The following INO80 variants were observed in gnomAD, a reference collection of about 807,000 sequenced individuals.
INO80 encodes INO80 complex ATPase subunit, also known as chromatin-remodeling ATPase INO80.
INO80 carries 20 observed loss-of-function variants against 203.4 expected under a neutral mutation model. The observed-to-expected ratio is 0.10, with a 90% CI of 0.07 to 0.14. INO80 has a LOEUF of 0.14. Ranked by LOEUF, INO80 falls within the 10% of genes least tolerant of loss-of-function variation. The pLI, the probability that INO80 is intolerant of heterozygous loss-of-function variation, is 1.00. For synonymous variants in INO80, 726 were observed against 685.2 expected (o/e 1.06, Z -0.93); for missense variants, 1,419 against 1,914.4 (o/e 0.74, Z 4.83).
At chr15:41,080,647 G>T (rs1299174449) in intron 8 of INO80, among the ~76,000 whole-genome samples, 1 of 152,154 alleles carries the variant, frequency 6.6e-6, no homozygotes, top group Non-Finnish European at 1.5e-5. Context: ...CCTGAGGTCA[G>T]GAGTTCAAGA....
At chr15:41,018,541 C>T in intron 26 of INO80, 1 of 152,344 alleles carries the variant, frequency 6.6e-6, no homozygotes, top group Non-Finnish European at 1.5e-5. Context: ...CTTCTTTGTA[C>T]TGCCCTGAAG....
chr15:41,008,142 T>C (rs1481276929), intron 27 of INO80, among the ~76,000 whole-genome samples: 2 of 152,024 alleles, frequency 1.3e-5, no homozygotes, highest in Admixed American at 1.3e-4. Context: ...GCCACAGCAC[T>C]GCAGCCTGGG....
chr15:41,101,187 G>C (rs1209811163), intron 1 of INO80, among the ~76,000 whole-genome samples: 4 of 152,040 alleles, frequency 2.6e-5, no homozygotes, highest in African/African-American at 9.7e-5. Context: ...GCCTAGTCTT[G>C]ATTAGCATGT....
intron 35 of INO80, among the ~76,000 whole-genome samples, chr15:40,980,928 C>T (rs1893804613): frequency 1.3e-5 from 2 of 152,188 alleles, no homozygotes; most frequent in Non-Finnish European, 2.9e-5. Context: ...TATATTCATA[C>T]AGTTCTCCTT....
intron 1 of INO80, among the ~76,000 whole-genome samples, chr15:41,111,383 T>C (rs775296358): frequency 1.3e-5 from 2 of 151,898 alleles, no homozygotes; most frequent in Non-Finnish European, 2.9e-5. Flanking sequence ...GAGGCAGAGG[T>C]TGCAGTGAGC....
intron 29 of INO80, among the ~76,000 whole-genome samples, chr15:40,992,086 A>T (rs1421294318): frequency 6.6e-6 from 1 of 152,186 alleles, no homozygotes; most frequent in Non-Finnish European, 1.5e-5. Context: ...GAAACAGGAA[A>T]ATTTCTAGAA....
At chr15:41,079,574 C>CAA (rs57754557) in intron 9 of INO80, 127 bp downstream of exon 9, 12,546 of 631,640 alleles carry the variant, frequency 0.02, 4 homozygotes, top group Non-Finnish European at 0.023. Flanking sequence ...GCATCTCTAC[C>CAA]AAAAAAAAAA....
intron 17 of INO80, among the ~76,000 whole-genome samples, chr15:41,055,764 T>C (rs1007620754): frequency 6.6e-6 from 1 of 152,194 alleles, no homozygotes; most frequent in Non-Finnish European, 1.5e-5. Flanking sequence ...GGGCCAAGTC[T>C]GGTCTACCAC....
chr15:41,046,206 C>CATACATATATATAT (rs1268610100), intron 23 of INO80, among the ~76,000 whole-genome samples: 3 of 14,416 alleles, frequency 2.1e-4, no homozygotes, highest in African/African-American at 6.8e-4. Context: ...CGTATACATA[C>CATACATATATATAT]ATATATATAT....
At chr15:41,022,576 T>C (rs1289847889) in intron 25 of INO80, among the ~76,000 whole-genome samples, 1 of 152,170 alleles carries the variant, frequency 6.6e-6, no homozygotes, top group African/African-American at 2.4e-5. Flanking sequence ...TAGGTGCCTC[T>C]GGAGGGTACC....
At position 41,020,985 on chromosome 15, in the gene INO80, A is replaced by C. The variant is rs530463505; in HGVS notation, c.3189T>G (p.Asn1063Lys). Residue 1063 changes from asparagine to lysine, a missense_variant, in exon 26 of 36, where the codon AAT becomes AAG. Asn to Lys is a moderately conservative substitution (Grantham distance 94). Transcript: ENST00000648947. ...GCTCTGGGAAGAACTGTGATCGTCT[A>C]TTTAGCCAGTCTGCAGCCAGTTCAG... Reference protein sequence around the residue: ...GAPELAADWLNRRSQFFPEPA... With the variant: ...GAPELAADWLKRRSQFFPEPA... 6.2e-7 allele frequency: 1 copy of C among 1,614,104 alleles called. No individual in the cohort carries two copies. Among genetic ancestry groups the C allele is most frequent in the African/African-American group, 1.3e-5 (1 of 75,024 alleles).
At chr15:41,037,960 A>G (rs901098641) in intron 24 of INO80, among the ~76,000 whole-genome samples, 3 of 150,988 alleles carry the variant, frequency 2.0e-5, no homozygotes, top group African/African-American at 7.3e-5. Context: ...AAGTGTAGTT[A>G]ACCAACTTGC....
chr15:41,051,422 G>A (rs768215291), intron 19 of INO80, among the ~76,000 whole-genome samples: 2 of 151,264 alleles, frequency 1.3e-5, no homozygotes, highest in South Asian at 4.2e-4. Context: ...AGTAAGATAG[G>A]AAACGCTAAA....
chr15:41,072,066 GTAA>G lies in INO80; in HGVS notation c.1396-11_1396-9del. ...TTCATCAAATGACCTTGTCTGGAAA[GTAA>G]AAAAAAAAAAAATTAGAAAAAAAAA... is the stretch of plus-strand genomic sequence containing the variant. On this transcript the variant is annotated splice_polypyrimidine_tract_variant and intron_variant, in intron 11 of 35. Transcript: ENST00000648947. 1.1e-6 allele frequency: 1 copy of G among 887,856 alleles called. No individual in the cohort carries two copies. The highest frequency in any genetic ancestry group is 3.6e-5 in the East Asian group (1 of 27,782). 55.0% of individuals were successfully genotyped at this position (887,856 alleles called of 1,614,324 possible).
chr15:41,071,506 G>C lies in INO80; in HGVS notation c.1605+343C>G, dbSNP rs540877075. Among the ~76,000 whole-genome samples the C allele has an allele frequency of 1.7e-4, 23 of 136,100 alleles. 2 individuals are homozygous for C. The highest frequency in any genetic ancestry group is 5.5e-3 in the Middle Eastern group (1 of 182). The allele number at this position is 136,100 out of a possible 152,430, so 89.3% of individuals were successfully genotyped here. ...TTTTGCTCTTGTTGCCCAGGCTACAGTGCAATGGCGCCATCTTAGCTCACC... is the reference window on the plus strand; with the variant it reads ...TTTTGCTCTTGTTGCCCAGGCTACACTGCAATGGCGCCATCTTAGCTCACC... On this transcript the variant is annotated intron_variant, in intron 12 of 35. Transcript: ENST00000648947.
intron 14 of INO80, among the ~76,000 whole-genome samples, chr15:41,060,357 G>A (rs1030978090): frequency 5.9e-5 from 9 of 152,154 alleles, no homozygotes; most frequent in Admixed American, 3.9e-4. Context: ...GGGAGGTCGA[G>A]GCAGGCGGAT....
chr15:41,048,416 G>C (rs1046331445), intron 21 of INO80, 140 bp from the exon 22 acceptor site: 2 of 612,176 alleles, frequency 3.3e-6, no homozygotes, highest in African/African-American at 3.7e-5. Context: ...CATATTACCA[G>C]GCAAAAATCA....
chr15:41,014,673 A>G (rs937973926), intron 27 of INO80, among the ~76,000 whole-genome samples: 3 of 152,194 alleles, frequency 2.0e-5, no homozygotes, highest in African/African-American at 7.2e-5. Flanking sequence ...ATGAAACCTA[A>G]GACTTAGTGC....
In INO80 at chr15:41,096,984, G is replaced by C. The variant is rs75059072; in HGVS notation, c.-43-631C>G. Among the ~76,000 whole-genome samples, 314 of 152,332 alleles carry C rather than the reference G, an allele frequency of 2.1e-3. 1 individual carries two copies. Among genetic ancestry groups the C allele is most frequent in the Non-Finnish European group, 3.3e-3 (227 of 68,032 alleles). On this transcript the variant is annotated intron_variant, in intron 1 of 35. Transcript: ENST00000648947. ...CAGGTATAGCCTAAGCATTCTCTTTGCTACCTTACATTGTTAAAGACAACA... is the reference window on the plus strand; with the variant it reads ...CAGGTATAGCCTAAGCATTCTCTTTCCTACCTTACATTGTTAAAGACAACA...
Sources: allele counts gnomAD v4.1 joint callset (sites outside exome capture counted in the v4.1 genomes callset), GRCh38; gene constraint gnomAD v4.1.1; transcripts MANE v1.5; gene names NCBI Gene and HGNC (gene_info 2026-07-23, HGNC 2026-07-21).